Variants in BSN observed in about 807,000 individuals in gnomAD.
BSN encodes protein bassoon.
A neutral mutation model predicts 264.8 loss-of-function variants in BSN; 57 were observed. The ratio of observed to expected loss-of-function variants is 0.22; its 90% CI spans 0.17 to 0.27. BSN has a LOEUF of 0.27. BSN is among the 10% of genes least tolerant of loss of function. BSN has a pLI of 1.00. For missense variants in BSN, 4,615 were observed against 5,232.5 expected (o/e 0.88, Z 3.64); for synonymous variants, 2,059 against 2,137.3 (o/e 0.96, Z 1.01).
At chr3:49,606,114 T>C (rs1267697402) in intron 1 of BSN, among the ~76,000 whole-genome samples, 1 of 78,702 alleles carries the variant, frequency 1.3e-5, no homozygotes, top group African/African-American at 5.3e-5. Context: ...ATATATAATA[T>C]ATACGTATAT....
At chr3:49,578,962 A>G (rs994851166) in intron 1 of BSN, among the ~76,000 whole-genome samples, 1 of 152,100 alleles carries the variant, frequency 6.6e-6, no homozygotes, top group African/African-American at 2.4e-5. Flanking sequence ...AGTGTGTATC[A>G]GCACTTCATT....
intron 1 of BSN, among the ~76,000 whole-genome samples, chr3:49,588,873 G>A (rs6446285): frequency 0.87 from 132,662 of 151,966 alleles, 58,024 homozygotes; most frequent in East Asian, 0.99. Flanking sequence ...AGGGTGTTCC[G>A]TGTACATTTG....
rs1333849738 is a variant in BSN, at chr3:49,661,828, G to A, written c.9983G>A (p.Gly3328Glu). 7 of 1,613,430 alleles carry A rather than the reference G, an allele frequency of 4.3e-6. No individual in the cohort carries two copies. Among genetic ancestry groups the A allele is most frequent in the Non-Finnish European group, 5.9e-6 (7 of 1,180,046 alleles). ...TATGGTGACAGTGACTACAGGCATG[G>A]GGCTCGAGTAGAGAAGTATGGTCCA... ...HYYGDSDYRH[G>E]ARVEKYGPGP... The change falls in exon 6 of 12, where the codon GGG becomes GAG. Residue 3328 changes from glycine to glutamate, a missense_variant. Gly to Glu is a moderately conservative substitution (Grantham distance 98). Around this residue, in one of 3 missense-constraint regions of BSN, gnomAD observed 3,415 missense variants for 3,866.4 expected, o/e 0.88. Coordinates refer to ENST00000296452, the MANE Select transcript of BSN (RefSeq NM_003458.4).
At chr3:49,584,519 A>G (rs2051919663) in intron 1 of BSN, among the ~76,000 whole-genome samples, 1 of 151,936 alleles carries the variant, frequency 6.6e-6, no homozygotes, top group Non-Finnish European at 1.5e-5. Context: ...GTAGGTGTAT[A>G]TATTTATAAG....
At chr3:49,587,110 A>G (rs2051943006) in intron 1 of BSN, among the ~76,000 whole-genome samples, 1 of 152,170 alleles carries the variant, frequency 6.6e-6, no homozygotes, top group Admixed American at 6.5e-5. Context: ...TTTTCCTTAT[A>G]GAGATCTTTT....
At chr3:49,620,842 G>A (rs1053731535) in intron 1 of BSN, among the ~76,000 whole-genome samples, 28 of 152,132 alleles carry the variant, frequency 1.8e-4, no homozygotes, top group Non-Finnish European at 2.9e-5. Flanking sequence ...AAAAATTAGC[G>A]AAGCATGCTG....
Position 49,656,281 on chromosome 3 carries a change from C to T in BSN, c.6725C>T (p.Thr2242Ile), listed in dbSNP as rs765067410. The change falls in exon 5 of 12, where the codon ACA becomes ATA. Residue 2242 changes from threonine (T) to isoleucine (I), a missense_variant. By Grantham distance (89) the Thr-to-Ile change is moderately conservative (BLOSUM62 -1). Transcript: ENST00000296452. ...ACAGCCGTGCCACTCACCAGTCTGA[C>T]ACGTGTGCCCATGATTGCCCCCCGG... ...GITAVPLTSL[T>I]RVPMIAPRVP... is the part of the protein sequence containing the mutation. 4 of 1,613,152 alleles carry T rather than the reference C, an allele frequency of 2.5e-6. No homozygotes were observed. In the Admixed American group the frequency reaches 5.0e-5, roughly 20 times the overall value.
At position 49,655,742 on chromosome 3, in the gene BSN, C is replaced by T; in HGVS notation, c.6186C>T (p.Ser2062=). Residue 2062 remains serine (S), a synonymous_variant, in exon 5 of 12, where the codon AGC becomes AGT. Coordinates refer to ENST00000296452, the MANE Select transcript of BSN (RefSeq NM_003458.4). ...LAHPLPMRRY[S]SVSNIYSDHR... ...ACCCGCTTCCCATGCGGCGCTATAG[C>T]TCAGTGTCGAACATCTACTCAGACC... 2 of 1,613,496 alleles carry T rather than the reference C, an allele frequency of 1.2e-6. No homozygotes were observed. Among genetic ancestry groups the T allele is most frequent in the Non-Finnish European group, 1.7e-6 (2 of 1,180,042 alleles).
At chr3:49,605,439 T>G (rs1200216251) in intron 1 of BSN, among the ~76,000 whole-genome samples, 1 of 24,812 alleles carries the variant, frequency 4.0e-5, no homozygotes, top group Non-Finnish European at 6.3e-5. Flanking sequence ...TAATATATAT[T>G]ATATATATTA....
At chr3:49,559,706 A>G (rs1354096540) in intron 1 of BSN, among the ~76,000 whole-genome samples, 1 of 152,224 alleles carries the variant, frequency 6.6e-6, no homozygotes, top group Non-Finnish European at 1.5e-5. Flanking sequence ...TTAGAGAACT[A>G]TGACATTTGT....
rs1475244387 is a variant in BSN, at chr3:49,664,998, C to A, written c.*14+145C>A. The A allele has an allele frequency of 1.3e-5, 9 of 671,432 alleles. No individual in the cohort carries two copies. The Admixed American group carries it at 1.7e-4, about 13-fold the overall frequency. The allele number at this position is 671,432 out of a possible 1,614,324, so 41.6% of individuals were successfully genotyped here. ...GTACCCAGAGCTGCAATGTTCCCTT[C>A]TCTGAATGTGGGAGGAGAAAAAGGA... On this transcript the variant is annotated intron_variant, in intron 10 of 11. Transcript: ENST00000296452.
chr3:49,627,964 C>T (rs1448702474), intron 2 of BSN, among the ~76,000 whole-genome samples: 3 of 152,168 alleles, frequency 2.0e-5, no homozygotes, highest in African/African-American at 4.8e-5. Flanking sequence ...AGTGTAGTCA[C>T]GCTGAGCCTG....
intron 1 of BSN, among the ~76,000 whole-genome samples, chr3:49,586,887 G>T (rs1323415399): frequency 6.6e-6 from 1 of 152,014 alleles, no homozygotes; most frequent in Admixed American, 6.6e-5. Context: ...AGCTTTGGCT[G>T]TTCTGGGTCT....
At chr3:49,607,092 C>G (rs1397246267) in intron 1 of BSN, among the ~76,000 whole-genome samples, 1 of 152,180 alleles carries the variant, frequency 6.6e-6, no homozygotes, top group Non-Finnish European at 1.5e-5. Flanking sequence ...GAGCTTGGCT[C>G]TCAGACCCTG....
intron 1 of BSN, among the ~76,000 whole-genome samples, chr3:49,615,930 G>A (rs1420943032): frequency 6.6e-6 from 1 of 152,186 alleles, no homozygotes; most frequent in African/African-American, 2.4e-5. Context: ...GGACACATAT[G>A]CCAAGGGGTT....
In BSN at chr3:49,554,823, G is replaced by T; in HGVS notation, c.221G>T (p.Gly74Val). The T allele has an allele frequency of 8.2e-7, 1 of 1,221,484 alleles. No individual in the cohort carries two copies. The highest frequency in any genetic ancestry group is 1.0e-6 in the Non-Finnish European group (1 of 981,156). 75.7% of individuals were successfully genotyped at this position (1,221,484 alleles called of 1,614,324 possible). A position where few individuals can be genotyped will look rare whatever the true frequency, so the allele number is the denominator to read the frequency against. The change falls in exon 1 of 12, where the codon GGC becomes GTC. Residue 74 changes from glycine (G) to valine (V), a missense_variant. By Grantham distance (109) the Gly-to-Val change is moderately radical (BLOSUM62 -3). Transcript: ENST00000296452. ...GPGPGPGPGP[G>V]STSRRLDPKE... Reference sequence around the variant, plus strand: ...GGCCCCGGTCCCGGCCCTGGCCCGGGCAGGTAAGCGCGTGTCTCGGCGCCC... The same window carrying T: ...GGCCCCGGTCCCGGCCCTGGCCCGGTCAGGTAAGCGCGTGTCTCGGCGCCC...
At chr3:49,658,249 AG>A in intron 5 of BSN, 53 bp downstream of exon 5, 1 of 1,475,360 alleles carries the variant, frequency 6.8e-7, no homozygotes. Flanking sequence ...GCCTAGCCCG[AG>A]GGGCCCCCAC....
chr3:49,579,023 G>A (rs948790166), intron 1 of BSN, among the ~76,000 whole-genome samples: 11 of 152,048 alleles, frequency 7.2e-5, no homozygotes, highest in African/African-American at 2.7e-4. Context: ...GTCACCCAGA[G>A]GACATGGAGG....
intron 1 of BSN, among the ~76,000 whole-genome samples, chr3:49,594,298 T>A (rs570706353): frequency 6.6e-6 from 1 of 152,326 alleles, no homozygotes; most frequent in East Asian, 1.9e-4. Flanking sequence ...GATCCTGAAA[T>A]TTTTCCTAAC....
Sources: allele counts gnomAD v4.1 joint callset (sites outside exome capture counted in the v4.1 genomes callset), GRCh38; gene constraint gnomAD v4.1.1; regional missense constraint gnomAD v4.1.1; transcripts MANE v1.5; gene names NCBI Gene and HGNC (gene_info 2026-07-23, HGNC 2026-07-21).